The following AFF3 variants were observed in gnomAD, a reference collection of about 807,000 sequenced individuals.
AFF3 encodes the protein ALF transcription elongation factor 3.
Under a neutral mutation model 129.7 loss-of-function variants are expected in AFF3, and 32 were observed. That is an observed-to-expected ratio of 0.25 (90% CI 0.19 to 0.33). The LOEUF is 0.33. Among genes scored for constraint, AFF3 ranks in the 10% least tolerant of loss-of-function variants. The pLI, the probability that AFF3 is intolerant of heterozygous loss-of-function variation, is 1.00. For synonymous variants in AFF3, 644 were observed against 635.4 expected (o/e 1.01, Z -0.20); for missense variants, 1,373 against 1,592.0 (o/e 0.86, Z 2.34).
chr2:100,034,289 T>C (rs1216537633), intron 4 of AFF3, among the ~76,000 whole-genome samples: 1 of 152,140 alleles, frequency 6.6e-6, no homozygotes, highest in Non-Finnish European at 1.5e-5. Context: ...CACTGAATCA[T>C]ATAGGATGAA....
intron 9 of AFF3, 89 bp downstream of exon 9, chr2:99,752,132 A>C: frequency 8.4e-7 from 1 of 1,195,594 alleles, no homozygotes; most frequent in Non-Finnish European, 1.2e-6. Flanking sequence ...TATTTACAGA[A>C]GAAAAGACAA....
chr2:99,969,886 C>G (rs527479062), intron 7 of AFF3, among the ~76,000 whole-genome samples: 4 of 152,134 alleles, frequency 2.6e-5, no homozygotes, highest in African/African-American at 9.7e-5. Flanking sequence ...CATTTAGTAT[C>G]TTTTATAATT....
chr2:99,690,152 A>C (rs1474826752), intron 11 of AFF3, among the ~76,000 whole-genome samples: 2 of 125,090 alleles, frequency 1.6e-5, no homozygotes, highest in African/African-American at 5.9e-5. Flanking sequence ...AATAACCACA[A>C]TCTTTATTAT....
chr2:99,648,891 A>G (rs1398598743), intron 13 of AFF3, among the ~76,000 whole-genome samples: 4 of 65,888 alleles, frequency 6.1e-5, no homozygotes, highest in Admixed American at 3.4e-4. Flanking sequence ...GCGCGCACAC[A>G]CACACACACA....
chr2:99,557,523 C>A (rs1675052262), intron 22 of AFF3, among the ~76,000 whole-genome samples: 1 of 152,172 alleles, frequency 6.6e-6, no homozygotes, highest in African/African-American at 2.4e-5. Flanking sequence ...TTTGTTGTAG[C>A]CCCTGGCGGC....
intron 4 of AFF3, among the ~76,000 whole-genome samples, chr2:100,056,896 GAA>G (rs1281241765): frequency 4.2e-4 from 64 of 152,314 alleles, no homozygotes; most frequent in African/African-American, 1.3e-3. Flanking sequence ...TCTTTACTCT[GAA>G]AAGTGTCTGG....
chr2:99,963,524 C>G (rs1011393123), intron 7 of AFF3, among the ~76,000 whole-genome samples: 3 of 151,908 alleles, frequency 2.0e-5, no homozygotes, highest in African/African-American at 7.2e-5. Context: ...AACACTCATT[C>G]AAAGTGGTAA....
chr2:99,704,972 G>C (rs1407437070), intron 11 of AFF3, among the ~76,000 whole-genome samples: 1 of 152,238 alleles, frequency 6.6e-6, no homozygotes, highest in Non-Finnish European at 1.5e-5. Context: ...AGGAATGCAT[G>C]AGATCACCAT....
intron 1 of AFF3, among the ~76,000 whole-genome samples, chr2:100,135,998 AAGG>A (rs1692626549): frequency 6.6e-6 from 1 of 152,244 alleles, no homozygotes; most frequent in South Asian, 2.1e-4. Flanking sequence ...GGATGGCTTC[AAGG>A]TCCTAGGCTG....
intron 7 of AFF3, among the ~76,000 whole-genome samples, chr2:99,883,815 AATT>A (rs71867594): frequency 0.041 from 6,235 of 152,296 alleles, 140 homozygotes; most frequent in African/African-American, 0.058. Flanking sequence ...GACTAGGCAG[AATT>A]ATTATTATAC....
Position 99,976,363 on chromosome 2 carries a change from G to A in AFF3, c.873+30269C>T, listed in dbSNP as rs1169535536. ...CATCCTATTTTAGGTTTTGAGATTAGAAGCTGAGGCCCAAGGACTCAATGA... is the reference window on the plus strand; with the variant it reads ...CATCCTATTTTAGGTTTTGAGATTAAAAGCTGAGGCCCAAGGACTCAATGA... On this transcript the variant is annotated intron_variant, in intron 7 of 24. Transcript: ENST00000672756. Among the ~76,000 whole-genome samples, 3 of 152,124 alleles carry A rather than the reference G, an allele frequency of 2.0e-5. 1 individual carries two copies. Among genetic ancestry groups the A allele is most frequent in the African/African-American group, 7.2e-5 (3 of 41,432 alleles).
At chr2:99,807,758 G>A (rs1252221059) in intron 8 of AFF3, among the ~76,000 whole-genome samples, 3 of 152,028 alleles carry the variant, frequency 2.0e-5, no homozygotes, top group African/African-American at 7.2e-5. Context: ...GCTGAGTGGC[G>A]GGTTTAGCTC....
At chr2:99,998,479 A>G (rs1681062256) in intron 7 of AFF3, among the ~76,000 whole-genome samples, 1 of 152,084 alleles carries the variant, frequency 6.6e-6, no homozygotes, top group Non-Finnish European at 1.5e-5. Context: ...GAGATATCCA[A>G]GAATGGGGGA....
intron 3 of AFF3, chr2:100,105,176 T>A (rs1691190066): frequency 4.8e-6 from 2 of 417,472 alleles, no homozygotes; most frequent in Non-Finnish European, 6.6e-6. Context: ...CCGCCCGGCC[T>A]TGCCCGGGCT....
intron 11 of AFF3, among the ~76,000 whole-genome samples, chr2:99,706,183 C>T (rs567444281): frequency 1.3e-5 from 2 of 152,264 alleles, no homozygotes; most frequent in South Asian, 2.1e-4. Context: ...TTGGTAGACC[C>T]AGACTCTCCA....
chr2:99,635,335 T>A (rs1683554527), intron 13 of AFF3, among the ~76,000 whole-genome samples: 1 of 152,086 alleles, frequency 6.6e-6, no homozygotes, highest in South Asian at 2.1e-4. Flanking sequence ...TCTTGCTGCA[T>A]CACTCAGGCT....
chr2:100,139,352 C>T (rs1421815033), intron 1 of AFF3, among the ~76,000 whole-genome samples: 3 of 152,102 alleles, frequency 2.0e-5, no homozygotes, highest in Non-Finnish European at 4.4e-5. Flanking sequence ...TAAGCAGGAT[C>T]TAATTGGTAA....
intron 11 of AFF3, among the ~76,000 whole-genome samples, chr2:99,681,671 T>C (rs1349362676): frequency 6.6e-6 from 1 of 152,228 alleles, no homozygotes; most frequent in Non-Finnish European, 1.5e-5. Flanking sequence ...TCGTAGGTGC[T>C]GTTGATGAAC....
intron 4 of AFF3, among the ~76,000 whole-genome samples, chr2:100,050,944 T>C (rs1236063926): frequency 6.6e-6 from 1 of 152,206 alleles, no homozygotes; most frequent in African/African-American, 2.4e-5. Context: ...GAATGCCACA[T>C]TCCAGGTTCC....
Sources: allele counts gnomAD v4.1 joint callset (sites outside exome capture counted in the v4.1 genomes callset), GRCh38; gene constraint gnomAD v4.1.1; transcripts MANE v1.5; gene names NCBI Gene and HGNC (gene_info 2026-07-23, HGNC 2026-07-21).